Variants in TFDP2 observed in about 807,000 individuals in gnomAD.
TFDP2 encodes the protein transcription factor Dp-2 (E2F dimerization partner 2).
In TFDP2, 17 loss-of-function variants were observed where a neutral mutation model predicts 59.3. That is an observed-to-expected ratio of 0.29 (90% CI 0.20 to 0.43). The LOEUF (loss-of-function observed/expected upper bound fraction) is 0.43. Ranked by LOEUF, TFDP2 falls within the 20% of genes least tolerant of loss-of-function variation. TFDP2 has a pLI of 1.00. For synonymous variants in TFDP2, 180 were observed against 194.7 expected (o/e 0.92, Z 0.63); for missense variants, 391 against 528.8 (o/e 0.74, Z 2.56).
At chr3:142,050,091 A>AC (rs1412011479) in intron 3 of TFDP2, among the ~76,000 whole-genome samples, 1 of 151,492 alleles carries the variant, frequency 6.6e-6, no homozygotes, top group East Asian at 1.9e-4. Context: ...ACATGGTAAA[A>AC]CCCCATCTCT....
At chr3:142,081,451 C>T (rs1705607) in intron 3 of TFDP2, among the ~76,000 whole-genome samples, 113,208 of 151,930 alleles carry the variant, frequency 0.75, 42,182 homozygotes, top group South Asian at 0.81. Flanking sequence ...GCAAACCAAA[C>T]CTAAAATTTG....
At chr3:142,037,473 A>G (rs888339413) in intron 3 of TFDP2, among the ~76,000 whole-genome samples, 1 of 152,202 alleles carries the variant, frequency 6.6e-6, no homozygotes, top group Non-Finnish European at 1.5e-5. Context: ...TTAAGCTGCA[A>G]CCTAGAAGGT....
intron 3 of TFDP2, among the ~76,000 whole-genome samples, chr3:142,009,816 G>A (rs1335291500): frequency 2.6e-5 from 4 of 151,708 alleles, no homozygotes; most frequent in African/African-American, 9.7e-5. Context: ...CATGATAAAG[G>A]TAGTATTTCA....
intron 3 of TFDP2, 60 bp downstream of exon 3, chr3:142,093,001 T>G: frequency 8.5e-7 from 1 of 1,181,228 alleles, no homozygotes; most frequent in Non-Finnish European, 1.2e-6. Flanking sequence ...CTGCATATTT[T>G]ACAAAACAAA....
chr3:142,085,685 TA>T (rs1560127722), intron 3 of TFDP2, among the ~76,000 whole-genome samples: 1 of 152,210 alleles, frequency 6.6e-6, no homozygotes, highest in East Asian at 1.9e-4. Context: ...AGTTAAATCT[TA>T]AAAAAAGAGC....
intron 1 of TFDP2, among the ~76,000 whole-genome samples, chr3:142,142,138 T>C (rs2062984281): frequency 6.6e-6 from 1 of 152,086 alleles, no homozygotes; most frequent in African/African-American, 2.4e-5. Flanking sequence ...GCACCCAAAT[T>C]GGAAAGGAAG....
At chr3:141,994,058 A>G (rs531709424) in intron 5 of TFDP2, among the ~76,000 whole-genome samples, 1 of 152,376 alleles carries the variant, frequency 6.6e-6, no homozygotes, top group East Asian at 1.9e-4. Context: ...AAGAATGTTC[A>G]TAAGGATTGA....
intron 3 of TFDP2, among the ~76,000 whole-genome samples, chr3:142,074,206 C>T (rs112606145): frequency 3.5e-4 from 53 of 149,836 alleles, no homozygotes; most frequent in African/African-American, 1.2e-3. Context: ...GTCAGGAGTT[C>T]GAGACCAGAC....
chr3:142,048,252 TA>T (rs1947446197), intron 3 of TFDP2, among the ~76,000 whole-genome samples: 1 of 151,748 alleles, frequency 6.6e-6, no homozygotes, highest in Admixed American at 6.6e-5. Flanking sequence ...TCGTCTCCAC[TA>T]AAAATACAAA....
chr3:142,017,941 T>TA (rs1489137481), intron 3 of TFDP2, among the ~76,000 whole-genome samples: 1 of 151,622 alleles, frequency 6.6e-6, no homozygotes, highest in African/African-American at 2.4e-5. Flanking sequence ...CTCAATATTT[T>TA]ATTTATTTAT....
intron 1 of TFDP2, among the ~76,000 whole-genome samples, chr3:142,109,051 T>C (rs1230070332): frequency 1.3e-5 from 2 of 152,208 alleles, no homozygotes; most frequent in Admixed American, 1.3e-4. Flanking sequence ...CCATTGTCTA[T>C]TTATTTCTGT....
intron 11 of TFDP2, 124 bp downstream of exon 11, chr3:141,959,550 G>A: frequency 9.8e-7 from 1 of 1,016,736 alleles, no homozygotes; most frequent in Non-Finnish European, 1.5e-6. Flanking sequence ...AGTGTTAAAG[G>A]TTTCAGTTTG....
intron 3 of TFDP2, among the ~76,000 whole-genome samples, chr3:142,091,486 A>G (rs2060994671): frequency 6.6e-6 from 1 of 152,098 alleles, no homozygotes; most frequent in Non-Finnish European, 1.5e-5. Flanking sequence ...GAATCACTTG[A>G]ACCCGGGAAG....
chr3:141,990,680 G>C (rs1942668487), intron 6 of TFDP2, among the ~76,000 whole-genome samples: 1 of 152,144 alleles, frequency 6.6e-6, no homozygotes, highest in Non-Finnish European at 1.5e-5. Flanking sequence ...TGGAAAGAGA[G>C]GGTCTTGGTG....
intron 3 of TFDP2, among the ~76,000 whole-genome samples, chr3:142,032,691 C>A (rs1156742206): frequency 1.3e-5 from 2 of 152,304 alleles, no homozygotes; most frequent in South Asian, 4.1e-4. Flanking sequence ...TTGTTAAAGG[C>A]ATTAATATCA....
At chr3:142,028,836 G>A (rs1353476456) in intron 3 of TFDP2, 1 of 358,832 alleles carries the variant, frequency 2.8e-6, no homozygotes, top group African/African-American at 2.2e-5. Context: ...AGATGAAGGG[G>A]CTTTTCTATG....
At chr3:142,067,885 T>A (rs2060122832) in intron 3 of TFDP2, among the ~76,000 whole-genome samples, 1 of 151,680 alleles carries the variant, frequency 6.6e-6, no homozygotes, top group Admixed American at 6.6e-5. Flanking sequence ...GTGCCTATAG[T>A]TCCAGGTACT....
Position 141,969,206 on chromosome 3 carries a change from C to CAT in TFDP2, c.732+865_732+866dup, listed in dbSNP as rs201477077. Among the ~76,000 whole-genome samples, 26 of 57,998 alleles carry CAT rather than the reference C, an allele frequency of 4.5e-4. 2 individuals carry two copies. Among genetic ancestry groups the CAT allele is most frequent in the East Asian group, 7.7e-4 (2 of 2,608 alleles). The allele number at this position is 57,998 out of a possible 152,430, so 38.0% of individuals were successfully genotyped here. A position where few individuals can be genotyped will look rare whatever the true frequency, so the allele number is the denominator to read the frequency against. ...ATATATATGAGATATATATATATAA[C>CAT]ATATATATATATCTCATATATATGA... On this transcript the variant is annotated intron_variant, in intron 9 of 12. Coordinates refer to ENST00000489671, the MANE Select transcript of TFDP2 (RefSeq NM_001178139.2).
At chr3:141,954,645 A>C (rs1277524998) in intron 11 of TFDP2, among the ~76,000 whole-genome samples, 1 of 151,810 alleles carries the variant, frequency 6.6e-6, no homozygotes, top group African/African-American at 2.4e-5. Flanking sequence ...AAAAAAAACA[A>C]AAAAACAAAA....
Sources: gnomAD v4.1 joint callset for allele counts (sites outside exome capture counted in the v4.1 genomes callset) on GRCh38, gnomAD v4.1.1 for gene constraint, MANE v1.5 for transcripts, NCBI Gene and HGNC (gene_info 2026-07-23, HGNC 2026-07-21) for gene names.